CAV1: variants seen among roughly 807,000 people sequenced by gnomAD.
The protein encoded by CAV1 is caveolin 1.
In CAV1, 10 loss-of-function variants were observed where a neutral mutation model predicts 16.5. The ratio of observed to expected loss-of-function variants is 0.61; its 90% CI spans 0.37 to 1.03. The LOEUF is 1.03. CAV1 is among the 50% of genes least tolerant of loss of function. The probability of loss-of-function intolerance (pLI) is 0.01; values close to 1 mark genes in which losing one functional copy is unlikely to be tolerated. For synonymous variants in CAV1, 76 were observed against 85.1 expected (o/e 0.89, Z 0.59); for missense variants, 212 against 232.8 (o/e 0.91, Z 0.58).
At chr7:116,538,624 C>G (rs910681965) in intron 2 of CAV1, among the ~76,000 whole-genome samples, 1 of 152,134 alleles carries the variant, frequency 6.6e-6, no homozygotes, top group African/African-American at 2.4e-5. Context: ...TGGGTAAGTC[C>G]CTCTATTTCT....
At chr7:116,531,424 G>C (rs1165509129) in intron 2 of CAV1, among the ~76,000 whole-genome samples, 1 of 152,184 alleles carries the variant, frequency 6.6e-6, no homozygotes, top group Non-Finnish European at 1.5e-5. Flanking sequence ...ATGCACGCAG[G>C]TGATAATCAG....
At chr7:116,539,501 C>G (rs1010615959) in intron 2 of CAV1, among the ~76,000 whole-genome samples, 1 of 152,148 alleles carries the variant, frequency 6.6e-6, no homozygotes, top group East Asian at 1.9e-4. Context: ...GTCTTTCTTC[C>G]TTTGCCACTT....
chr7:116,534,383 A>ATTT (rs1562829961), intron 2 of CAV1, among the ~76,000 whole-genome samples: 9 of 9,700 alleles, frequency 9.3e-4, no homozygotes, highest in Non-Finnish European at 1.4e-3. Flanking sequence ...ATATATATAT[A>ATTT]TATATATATA....
At chr7:116,529,281 T>A (rs1409436608) in intron 2 of CAV1, among the ~76,000 whole-genome samples, 1 of 152,172 alleles carries the variant, frequency 6.6e-6, no homozygotes, top group Non-Finnish European at 1.5e-5. Context: ...AGGTACCCAA[T>A]CAAGTAAGGA....
chr7:116,544,858 A>T (rs1027808537), intron 2 of CAV1, among the ~76,000 whole-genome samples: 2 of 152,188 alleles, frequency 1.3e-5, no homozygotes, highest in African/African-American at 2.4e-5. Flanking sequence ...GAGCCTGAGA[A>T]GCCAGAGGCC....
chr7:116,530,169 G>T (rs1191058242), intron 2 of CAV1, among the ~76,000 whole-genome samples: 3 of 144,500 alleles, frequency 2.1e-5, no homozygotes, highest in Non-Finnish European at 3.0e-5. Flanking sequence ...AACCAAAACA[G>T]TAAGTCACTG....
chr7:116,549,867 A>G (rs1218591586), intron 2 of CAV1, among the ~76,000 whole-genome samples: 1 of 152,216 alleles, frequency 6.6e-6, no homozygotes, highest in Admixed American at 6.5e-5. Context: ...CCTTGCCCTA[A>G]GTCCTGGTCT....
intron 2 of CAV1, among the ~76,000 whole-genome samples, chr7:116,537,389 C>G (rs1793845637): frequency 1.3e-5 from 2 of 151,974 alleles, no homozygotes; most frequent in Non-Finnish European, 2.9e-5. Flanking sequence ...CCAGCACTCC[C>G]TATAGGCTGA....
At chr7:116,558,087 C>A (rs1562839788) in intron 2 of CAV1, among the ~76,000 whole-genome samples, 1 of 152,126 alleles carries the variant, frequency 6.6e-6, no homozygotes, top group Non-Finnish European at 1.5e-5. Context: ...CTCAAATCTC[C>A]CACCTCATGA....
At chr7:116,534,560 T>A (rs1304978210) in intron 2 of CAV1, among the ~76,000 whole-genome samples, 1 of 150,166 alleles carries the variant, frequency 6.7e-6, no homozygotes, top group African/African-American at 2.4e-5. Flanking sequence ...CCACCACGGC[T>A]GGCTAATTTT....
chr7:116,525,526 C>A (rs1194058748), intron 1 of CAV1: 2 of 1,228,924 alleles, frequency 1.6e-6, no homozygotes, highest in Non-Finnish European at 2.1e-6. Context: ...CTCCGCCAGG[C>A]GCCCAGACCG....
chr7:116,525,230 G>A, intron 1 of CAV1, 138 bp downstream of exon 1: 1 of 1,611,196 alleles, frequency 6.2e-7, no homozygotes, highest in Non-Finnish European at 8.5e-7. Flanking sequence ...CGTTGGCACC[G>A]CTGAGGAATG....
chr7:116,551,662 A>G (rs1317196883), intron 2 of CAV1, among the ~76,000 whole-genome samples: 1 of 152,074 alleles, frequency 6.6e-6, no homozygotes, highest in Non-Finnish European at 1.5e-5. Flanking sequence ...CACCCCCAAA[A>G]TTGAGTCGCT....
Position 116,526,661 on chromosome 7 carries a change from C to T in CAV1, c.167C>T (p.Pro56Leu). ...TKEIDLVNRDPKHLNDDVVKI... is the reference protein window; with the variant it reads ...TKEIDLVNRDLKHLNDDVVKI... Reference sequence around the variant, plus strand: ...GAGATCGACCTGGTCAACCGCGACCCTAAACACCTCAACGATGACGTGGTC... The same window carrying T: ...GAGATCGACCTGGTCAACCGCGACCTTAAACACCTCAACGATGACGTGGTC... The change falls in exon 2 of 3, where the codon CCT becomes CTT. Residue 56 changes from proline to leucine, a missense_variant. By Grantham distance (98) the Pro-to-Leu change is moderately conservative. Coordinates refer to ENST00000341049, the MANE Select transcript of CAV1 (RefSeq NM_001753.5). The T allele has an allele frequency of 6.2e-7, 1 of 1,614,158 alleles. No homozygotes were observed. Among genetic ancestry groups the T allele is most frequent in the Non-Finnish European group, 8.5e-7 (1 of 1,180,028 alleles).
chr7:116,530,208 C>CTCTTTTTTTTTTTTTT (rs370865342), intron 2 of CAV1, among the ~76,000 whole-genome samples: 3 of 125,372 alleles, frequency 2.4e-5, no homozygotes, highest in African/African-American at 9.6e-5. Flanking sequence ...GTCCTTTTTC[C>CTCTTTTTTTTTTTTTT]TTTTTTTTTT....
Position 116,560,940 on chromosome 7 carries a change from A to G in CAV1, c.*1653A>G, listed in dbSNP as rs1794397787. ...TATACTGCATACTTTTTAAATGTAA[A>G]GATATTTTTATCTTTATATGAAGAA... On this transcript the variant is annotated 3_prime_UTR_variant, in exon 3 of 3. Coordinates refer to ENST00000341049, the MANE Select transcript of CAV1 (RefSeq NM_001753.5). The G allele has an allele frequency of 6.6e-6, 1 of 152,642 alleles. No homozygotes were observed. The highest frequency in any genetic ancestry group is 2.4e-5 in the African/African-American group (1 of 41,456). The allele number at this position is 152,642 out of a possible 1,614,324, so 9.5% of individuals were successfully genotyped here.
Position 116,547,252 on chromosome 7 carries a change from C to T in CAV1, c.196-11694C>T, listed in dbSNP as rs1474480216. Among the ~76,000 whole-genome samples the T allele has an allele frequency of 8.5e-5, 13 of 152,096 alleles. 1 individual carries two copies. The highest frequency in any genetic ancestry group is 8.5e-4 in the Admixed American group (13 of 15,276). ...TTGTTGAAGGGGGCACAATTCAATG[C>T]ATAACAGGATGGAAACTAGAAACGG... On this transcript the variant is annotated intron_variant, in intron 2 of 2. Coordinates refer to ENST00000341049, the MANE Select transcript of CAV1 (RefSeq NM_001753.5).
At chr7:116,528,422 A>G (rs1469846123) in intron 2 of CAV1, among the ~76,000 whole-genome samples, 1 of 152,232 alleles carries the variant, frequency 6.6e-6, no homozygotes, top group Non-Finnish European at 1.5e-5. Context: ...AAGAAATTAA[A>G]AGAAAAAGCT....
intron 2 of CAV1, among the ~76,000 whole-genome samples, chr7:116,539,709 A>C (rs1482106583): frequency 6.6e-6 from 1 of 152,196 alleles, no homozygotes. Context: ...ATATCCTCCT[A>C]AACCTTCCAG....
Sources: allele counts gnomAD v4.1 joint callset (sites outside exome capture counted in the v4.1 genomes callset), GRCh38; gene constraint gnomAD v4.1.1; transcripts MANE v1.5; gene names NCBI Gene and HGNC (gene_info 2026-07-23, HGNC 2026-07-21).